The following PARG variants were observed in gnomAD, a reference collection of about 807,000 sequenced individuals.
The protein encoded by PARG is mitochondrial poly(ADP-ribose) glycohydrolase.
In PARG, 35 loss-of-function variants were observed where a neutral mutation model predicts 113.0. The ratio of observed to expected loss-of-function variants is 0.31; its 90% CI spans 0.24 to 0.41. The LOEUF is 0.41. PARG is among the 10% of genes least tolerant of loss of function. The pLI is 1.00. For missense variants in PARG, 797 were observed against 1,169.4 expected, an observed-to-expected ratio of 0.68 and a Z score of 4.64; for synonymous variants, 330 against 409.9, an observed-to-expected ratio of 0.81 and a Z score of 2.36.
chr10:49,819,631 T>C (rs1588850989), intron 17 of PARG, 137 bp from the exon 18 acceptor site: 2 of 649,254 alleles, frequency 3.1e-6, no homozygotes, highest in South Asian at 2.0e-5. Context: ...ATGAATTTCA[T>C]ATGCCTGAAA....
intron 7 of PARG, among the ~76,000 whole-genome samples, chr10:49,888,376 T>C (rs1847603061): frequency 6.6e-6 from 1 of 152,152 alleles, no homozygotes; most frequent in Non-Finnish European, 1.5e-5. Context: ...TTCTTTTCTG[T>C]TTCAGGAAAT....
intron 16 of PARG, among the ~76,000 whole-genome samples, chr10:49,828,960 G>A (rs1044066848): frequency 2.0e-5 from 3 of 152,104 alleles, no homozygotes; most frequent in Non-Finnish European, 4.4e-5. Flanking sequence ...TTTGCCAGCC[G>A]GGCACGGTGG....
chr10:49,904,539 T>C (rs1848487715), intron 7 of PARG, among the ~76,000 whole-genome samples: 1 of 151,472 alleles, frequency 6.6e-6, no homozygotes, highest in Admixed American at 6.6e-5. Flanking sequence ...ATGTTGATAA[T>C]GGGGGAGGGT....
chr10:49,912,418 A>G (rs1281786273), intron 7 of PARG, among the ~76,000 whole-genome samples: 2 of 152,244 alleles, frequency 1.3e-5, no homozygotes, highest in East Asian at 3.9e-4. Flanking sequence ...TAATCCCAGC[A>G]CTTTGGGAGG....
rs1453648615 is a variant in PARG at position 49,925,332 on chromosome 10, C to G, written c.1456-2663G>C. Among the ~76,000 whole-genome samples, 4 of 152,226 alleles carry G rather than the reference C, an allele frequency of 2.6e-5. No homozygotes were observed. The South Asian group carries it at 8.3e-4, about 32-fold the overall frequency. On this transcript the variant is annotated intron_variant, in intron 4 of 17. Coordinates refer to ENST00000616448, the MANE Select transcript of PARG (RefSeq NM_003631.5). ...TGATAAAACCTTGGTCTTTAGAAACCCTTCTTAACCCAGACATCCCTTTCT... is the reference window on the plus strand; with the variant it reads ...TGATAAAACCTTGGTCTTTAGAAACGCTTCTTAACCCAGACATCCCTTTCT...
chr10:49,827,259 A>C (rs1306572594), intron 16 of PARG, among the ~76,000 whole-genome samples: 3 of 152,250 alleles, frequency 2.0e-5, no homozygotes, highest in African/African-American at 7.2e-5. Flanking sequence ...GCTACTGAAT[A>C]TATTTGTTAA....
intron 6 of PARG, among the ~76,000 whole-genome samples, chr10:49,918,432 C>T (rs1554848289): frequency 1.3e-5 from 2 of 152,178 alleles, no homozygotes; most frequent in East Asian, 1.9e-4. Context: ...AAGTAGTCCA[C>T]CATGAGATTG....
rs2664673 is a variant in PARG, at chr10:49,925,996, C to T, written c.1456-3327G>A. Among the ~76,000 whole-genome samples, 265 of 152,250 alleles carry T rather than the reference C, an allele frequency of 1.7e-3. 1 individual carries two copies. The highest frequency in any genetic ancestry group is 5.1e-3 in the African/African-American group (210 of 41,524). On this transcript the variant is annotated intron_variant, in intron 4 of 17. Coordinates refer to ENST00000616448, the MANE Select transcript of PARG (RefSeq NM_003631.5). ...GTACCCTTTCCCCATTGGCTGGGGT[C>T]GGGTCGTACAATCTAAACTAATTCC...
rs373618246 is a variant in PARG at position 49,879,708 on chromosome 10, C to T, written c.1953G>A (p.Ser651=). 3.2e-5 allele frequency: 50 copies of T among 1,565,314 alleles called. No homozygotes were observed. The highest frequency in any genetic ancestry group is 8.1e-5 in the African/African-American group (6 of 73,998). ...TFPRRNAKMK[S]EYSSYPDINF... is the part of the protein sequence containing the mutation. ...TAATGTCTGGGTAACTAGAATACTC[C>T]GATTTCATCTTAGCATTTCGTCGTG... Residue 651 remains serine, a synonymous_variant, in exon 9 of 18, where the codon TCG becomes TCA. Coordinates refer to ENST00000616448, the MANE Select transcript of PARG (RefSeq NM_003631.5).
chr10:49,893,406 G>A (rs375415599), intron 7 of PARG, among the ~76,000 whole-genome samples: 1 of 152,126 alleles, frequency 6.6e-6, no homozygotes, highest in Non-Finnish European at 1.5e-5. Context: ...ATTTTCTAGC[G>A]AGGTTGGCTG....
chr10:49,909,875 T>G (rs1490583257), intron 7 of PARG: 1 of 168,218 alleles, frequency 5.9e-6, no homozygotes, highest in Non-Finnish European at 1.3e-5. Context: ...CATGCCAAAT[T>G]CTGAAGCAAT....
chr10:49,834,317 A>G (rs1844810939), intron 15 of PARG, among the ~76,000 whole-genome samples: 1 of 152,166 alleles, frequency 6.6e-6, no homozygotes, highest in African/African-American at 2.4e-5. Flanking sequence ...ATGCCTAGAG[A>G]GAAGAAGGCT....
intron 7 of PARG, among the ~76,000 whole-genome samples, chr10:49,891,659 T>G (rs1847814061): frequency 7.8e-6 from 1 of 128,764 alleles, no homozygotes; most frequent in Admixed American, 8.7e-5. Context: ...AGATAGCGTC[T>G]CACTCTGTCA....
intron 7 of PARG, among the ~76,000 whole-genome samples, chr10:49,906,346 T>C (rs576235485): frequency 1.3e-5 from 2 of 151,828 alleles, no homozygotes; most frequent in South Asian, 4.2e-4. Flanking sequence ...TGCTAGAGGG[T>C]TTTCTTCTTC....
intron 7 of PARG, among the ~76,000 whole-genome samples, chr10:49,910,931 A>G (rs1465106650): frequency 6.6e-6 from 1 of 152,184 alleles, no homozygotes; most frequent in African/African-American, 2.4e-5. Flanking sequence ...GCTTTAATGT[A>G]AATTTCACAA....
intron 7 of PARG, among the ~76,000 whole-genome samples, chr10:49,906,315 T>C (rs1588970887): frequency 6.6e-6 from 1 of 152,144 alleles, no homozygotes; most frequent in East Asian, 1.9e-4. Context: ...TCTAAGGCTA[T>C]GGGCCATTAA....
chr10:49,940,038 G>C (rs1184317827), intron 1 of PARG, among the ~76,000 whole-genome samples: 6 of 152,148 alleles, frequency 3.9e-5, no homozygotes, highest in African/African-American at 1.4e-4. Flanking sequence ...TCTGCCCTAG[G>C]TCACCTTTAC....
chr10:49,874,650 T>C (rs1253620097), intron 9 of PARG, among the ~76,000 whole-genome samples: 2 of 149,718 alleles, frequency 1.3e-5, no homozygotes, highest in African/African-American at 4.9e-5. Context: ...TTCAGGAGAC[T>C]GAGGCCATCC....
intron 7 of PARG, among the ~76,000 whole-genome samples, chr10:49,906,146 T>C (rs1389570723): frequency 1.5e-5 from 2 of 136,322 alleles, no homozygotes; most frequent in Non-Finnish European, 3.3e-5. Context: ...TGCTGCCGCT[T>C]TTTTTTTTTT....
Sources: gnomAD v4.1 joint callset for allele counts (sites outside exome capture counted in the v4.1 genomes callset) on GRCh38, gnomAD v4.1.1 for gene constraint, MANE v1.5 for transcripts, NCBI Gene and HGNC (gene_info 2026-07-23, HGNC 2026-07-21) for gene names.